Variants in SNX13 observed in about 807,000 individuals in gnomAD.
SNX13 encodes sorting nexin-13.
Under a neutral mutation model 133.6 loss-of-function variants are expected in SNX13, and 45 were observed. The ratio of observed to expected loss-of-function variants is 0.34; its 90% CI spans 0.27 to 0.43. The LOEUF (loss-of-function observed/expected upper bound fraction) is 0.43. Ranked by LOEUF, SNX13 falls within the 20% of genes least tolerant of loss-of-function variation. SNX13 has a pLI of 1.00. For missense variants in SNX13, 1,032 were observed against 1,145.1 expected (o/e 0.90, Z 1.43); for synonymous variants, 414 against 373.9 (o/e 1.11, Z -1.24).
At position 17,798,641 on chromosome 7, in the gene SNX13, T is replaced by G. The variant is rs1481631179; in HGVS notation, c.2513+49A>C. 4 of 1,356,482 alleles carry G rather than the reference T, an allele frequency of 2.9e-6. No homozygotes were observed. In the African/African-American group the frequency reaches 5.9e-5, roughly 20 times the overall value. 84.0% of individuals were successfully genotyped at this position (1,356,482 alleles called of 1,614,324 possible). On this transcript the variant is annotated intron_variant, in intron 24 of 25. Coordinates refer to ENST00000428135, the MANE Select transcript of SNX13 (RefSeq NM_015132.5). ...AATGAAAGTTAATTAGTGATAACAATGCTAAACTCTGTACTACCTGAAAGA... is the reference window on the plus strand; with the variant it reads ...AATGAAAGTTAATTAGTGATAACAAGGCTAAACTCTGTACTACCTGAAAGA...
rs900879146 is a variant in SNX13, at chr7:17,832,135, T to A, written c.1597+1917A>T. On this transcript the variant is annotated intron_variant, in intron 15 of 25. Transcript: ENST00000428135. ...GTGAGGGGTTACTCAATAACTGATA[T>A]ATAAGAGAAGCATATTTACTTCAGA... is the stretch of plus-strand genomic sequence containing the variant. 8 of 984,258 alleles carry A rather than the reference T, an allele frequency of 8.1e-6. No homozygotes were observed. In the South Asian group the frequency reaches 3.8e-4, roughly 46 times the overall value. 61.0% of individuals were successfully genotyped at this position (984,258 alleles called of 1,614,324 possible).
chr7:17,843,606 A>G (rs1357446119), intron 12 of SNX13, among the ~76,000 whole-genome samples: 2 of 152,080 alleles, frequency 1.3e-5, no homozygotes, highest in Non-Finnish European at 2.9e-5. Flanking sequence ...CTTCCCAACA[A>G]CAGCATACAG....
chr7:17,803,605 C>T, intron 20 of SNX13, 25 bp from the exon 21 acceptor site: 1 of 1,575,934 alleles, frequency 6.3e-7, no homozygotes, highest in South Asian at 1.2e-5. Flanking sequence ...GATATTATAC[C>T]ATGACTTTAT....
At chr7:17,870,421 C>A (rs1219762990) in intron 8 of SNX13, among the ~76,000 whole-genome samples, 3 of 152,116 alleles carry the variant, frequency 2.0e-5, no homozygotes, top group Admixed American at 6.5e-5. Context: ...GGAAAAAAAA[C>A]TGACTTGCTG....
intron 15 of SNX13, among the ~76,000 whole-genome samples, chr7:17,832,972 G>C (rs1431930118): frequency 6.6e-6 from 1 of 151,364 alleles, no homozygotes; most frequent in Non-Finnish European, 1.5e-5. Context: ...TTTTAAAGCA[G>C]TGCTCACTAC....
In SNX13 at chr7:17,873,567, A is replaced by C; in HGVS notation, c.714T>G (p.Pro238=). 1 of 1,587,158 alleles carries C rather than the reference A, an allele frequency of 6.3e-7. No individual in the cohort carries two copies. The highest frequency in any genetic ancestry group is 1.2e-5 in the South Asian group (1 of 85,692). The change falls in exon 8 of 26, where the codon CCT becomes CCG. Residue 238 remains proline, a synonymous_variant. Coordinates refer to ENST00000428135, the MANE Select transcript of SNX13 (RefSeq NM_015132.5). ...GCATGATCTTGTTCTGGAAATCTCC[A>C]GGAGGTAGCAATAAATATAGTAAGA... is the stretch of plus-strand genomic sequence containing the variant. The part of the protein sequence containing the change: ...CEVLLYLLLP[P]GDFQNKIMRY...
In SNX13 at chr7:17,792,540, T is replaced by A. The variant is rs1347950233; in HGVS notation, c.*1505A>T. 6.6e-6 allele frequency: 1 copy of A among 152,448 alleles called. No homozygotes were observed. Among genetic ancestry groups the A allele is most frequent in the African/African-American group, 2.4e-5 (1 of 41,436 alleles). The allele number at this position is 152,448 out of a possible 1,614,324, so 9.4% of individuals were successfully genotyped here. On this transcript the variant is annotated 3_prime_UTR_variant, in exon 26 of 26. Transcript: ENST00000428135. The stretch of plus-strand genomic sequence containing the variant: ...TCTAAGTGAAAACAAGACAGTGATA[T>A]CTTGTTCCAATCTTAAAGCTCCCAA...
rs1052694359 is a variant in SNX13, at chr7:17,940,180, G to A, written c.12+104C>T. On this transcript the variant is annotated intron_variant, in intron 1 of 25. Transcript: ENST00000428135. ...TGCTCCTCGGGCCCTGGAGCCCACG[G>A]CGAAGGGTCAGGCCCACCTTCCGTA... is the stretch of plus-strand genomic sequence containing the variant. The A allele has an allele frequency of 8.1e-6, 12 of 1,479,952 alleles. No homozygotes were observed. In the African/African-American group the frequency reaches 9.8e-5, roughly 12 times the overall value. 91.7% of individuals were successfully genotyped at this position (1,479,952 alleles called of 1,614,324 possible). A position where few individuals can be genotyped will look rare whatever the true frequency, so the allele number is the denominator to read the frequency against.
intron 1 of SNX13, among the ~76,000 whole-genome samples, chr7:17,931,496 C>T (rs1311414831): frequency 2.0e-5 from 3 of 152,128 alleles, no homozygotes; most frequent in East Asian, 1.9e-4. Flanking sequence ...AACTCTAGCT[C>T]GAAAATAAAA....
In SNX13 at chr7:17,803,290, G is replaced by A. The variant is rs985575876; in HGVS notation, c.2226+129C>T. ...CTCTTTAGTTCTTTATTCTTTATGA[G>A]ACTATGTGTCTAGCAATGTTTGGAA... On this transcript the variant is annotated intron_variant, in intron 21 of 25. Transcript: ENST00000428135. The A allele has an allele frequency of 1.9e-5, 15 of 800,840 alleles. No individual in the cohort carries two copies. In the East Asian group the frequency reaches 4.2e-4, roughly 23 times the overall value. 49.6% of individuals were successfully genotyped at this position (800,840 alleles called of 1,614,324 possible). A position where few individuals can be genotyped will look rare whatever the true frequency, so the allele number is the denominator to read the frequency against.
At chr7:17,864,413 G>C (rs1258687286) in intron 9 of SNX13, among the ~76,000 whole-genome samples, 9 of 152,068 alleles carry the variant, frequency 5.9e-5, no homozygotes, top group Non-Finnish European at 1.3e-4. Context: ...TAGCAGAATT[G>C]GTCCAGCAAA....
intron 1 of SNX13, among the ~76,000 whole-genome samples, chr7:17,903,678 G>A (rs1271386134): frequency 6.6e-6 from 1 of 152,066 alleles, no homozygotes; most frequent in Non-Finnish European, 1.5e-5. Flanking sequence ...CAGCTATCAG[G>A]GTAAGATCTG....
intron 6 of SNX13, 42 bp downstream of exon 6, chr7:17,875,626 CA>C: frequency 3.1e-6 from 5 of 1,606,854 alleles, no homozygotes; most frequent in Non-Finnish European, 4.2e-6. Context: ...GAAAGGAAAA[CA>C]GATTTTCAAA....
intron 9 of SNX13, among the ~76,000 whole-genome samples, chr7:17,853,256 G>A (rs1401630967): frequency 6.6e-6 from 1 of 152,050 alleles, no homozygotes; most frequent in Admixed American, 6.5e-5. Flanking sequence ...GTGTCAATAA[G>A]CAAATAAAGT....
In SNX13 at chr7:17,841,994, C is replaced by A. The variant is rs1159070791; in HGVS notation, c.1166-1994G>T. On this transcript the variant is annotated intron_variant, in intron 12 of 25. Coordinates refer to ENST00000428135, the MANE Select transcript of SNX13 (RefSeq NM_015132.5). ...AAAATACAAAGAAGAGTAAACAGAG[C>A]CTAAGGGACCTGCTGGACCAAGTTA... 2.0e-5 allele frequency among the ~76,000 whole-genome samples: 3 copies of A among 151,952 alleles called. No homozygotes were observed. The East Asian group carries it at 5.8e-4, about 29-fold the overall frequency.
In SNX13 at chr7:17,890,488, T is replaced by A. The variant is rs922180272; in HGVS notation, c.319-4A>T. The A allele has an allele frequency of 1.3e-5, 20 of 1,551,472 alleles. No individual in the cohort carries two copies. The African/African-American group carries it at 2.6e-4, about 21-fold the overall frequency. ...CCCTCAAGGAAAACTGGATAACCTA[T>A]AACAAAAATATTGGAAAAAAAATTA... On this transcript the variant is annotated splice_region_variant and splice_polypyrimidine_tract_variant and intron_variant, in intron 4 of 25. Coordinates refer to ENST00000428135, the MANE Select transcript of SNX13 (RefSeq NM_015132.5).
intron 1 of SNX13, chr7:17,897,707 G>C (rs1797360483): frequency 8.6e-6 from 2 of 232,446 alleles, no homozygotes; most frequent in Non-Finnish European, 1.7e-5. Context: ...CAAAGGTACA[G>C]GACAGAAATA....
At chr7:17,803,896 A>AG (rs1174497596) in intron 20 of SNX13, among the ~76,000 whole-genome samples, 4 of 151,152 alleles carry the variant, frequency 2.6e-5, no homozygotes, top group African/African-American at 9.7e-5. Context: ...AAAAAAAAAA[A>AG]AAAAAGCCAG....
chr7:17,823,727 A>G (rs1353493953), intron 17 of SNX13, among the ~76,000 whole-genome samples: 2 of 152,186 alleles, frequency 1.3e-5, no homozygotes, highest in East Asian at 3.9e-4. Flanking sequence ...ACACGTTTTA[A>G]TCACGTTAGA....
Sources: gnomAD v4.1 joint callset for allele counts (sites outside exome capture counted in the v4.1 genomes callset) on GRCh38, gnomAD v4.1.1 for gene constraint, MANE v1.5 for transcripts, NCBI Gene and HGNC (gene_info 2026-07-23, HGNC 2026-07-21) for gene names.